GCNT2: variants seen among roughly 807,000 people sequenced by gnomAD.
The protein encoded by GCNT2 is N-acetyllactosaminide beta-1,6-N-acetylglucosaminyl-transferase.
Under a neutral mutation model 34.2 loss-of-function variants are expected in GCNT2, and 34 were observed. The observed-to-expected ratio is 1.00, with a 90% CI of 0.76 to 1.32. GCNT2 has a LOEUF of 1.32. Ranked by LOEUF, GCNT2 falls within the 40% of genes most tolerant of loss-of-function variation. The pLI is 0.00. For missense variants in GCNT2, 584 were observed against 489.4 expected, an observed-to-expected ratio of 1.19 and a Z score of -1.82; for synonymous variants, 212 against 188.0, an observed-to-expected ratio of 1.13 and a Z score of -1.04.
At chr6:10,558,760 A>G (rs1367748043) in intron 3 of GCNT2, among the ~76,000 whole-genome samples, 1 of 152,224 alleles carries the variant, frequency 6.6e-6, no homozygotes, top group Non-Finnish European at 1.5e-5. Flanking sequence ...GGAAAATACC[A>G]TGCCTGGTGT....
At chr6:10,581,843 A>G in intron 3 of GCNT2, 1 of 985,028 alleles carries the variant, frequency 1.0e-6, no homozygotes, top group Non-Finnish European at 1.2e-6. Flanking sequence ...ATTTTACAGA[A>G]AAGGGTGTGG....
At chr6:10,610,650 T>G (rs1765509580) in intron 3 of GCNT2, among the ~76,000 whole-genome samples, 1 of 152,186 alleles carries the variant, frequency 6.6e-6, no homozygotes, top group African/African-American at 2.4e-5. Context: ...TACATTAAGC[T>G]GAAAACCCCA....
chr6:10,571,861 C>T (rs1273718712), intron 3 of GCNT2, among the ~76,000 whole-genome samples: 1 of 151,122 alleles, frequency 6.6e-6, no homozygotes, highest in East Asian at 1.9e-4. Context: ...CAGAGATTTT[C>T]TGCACTATAG....
intron 3 of GCNT2, chr6:10,586,247 TC>T (rs762359466): frequency 6.2e-7 from 1 of 1,614,116 alleles, no homozygotes; most frequent in Non-Finnish European, 8.5e-7. Flanking sequence ...ACATCACAAG[TC>T]CCCTGTCGGA....
intron 3 of GCNT2, among the ~76,000 whole-genome samples, chr6:10,585,008 T>C (rs1190285674): frequency 6.6e-6 from 1 of 151,578 alleles, no homozygotes; most frequent in Non-Finnish European, 1.5e-5. Flanking sequence ...AGGGTGTAAT[T>C]CTTTGTTCCC....
At chr6:10,609,072 G>C (rs1325159497) in intron 3 of GCNT2, among the ~76,000 whole-genome samples, 1 of 152,198 alleles carries the variant, frequency 6.6e-6, no homozygotes, top group Non-Finnish European at 1.5e-5. Context: ...TACTGCAGGG[G>C]TCAAACCAAA....
intron 3 of GCNT2, chr6:10,619,753 T>C (rs150747747): frequency 3.3e-5 from 5 of 152,316 alleles, no homozygotes; most frequent in Admixed American, 1.3e-4. Flanking sequence ...ATAAATATAT[T>C]GTCTTACAAT....
In GCNT2 at chr6:10,573,166, T is replaced by G. The variant is rs1456511803; in HGVS notation, c.925+43330T>G. On this transcript the variant is annotated intron_variant, in intron 3 of 4. Transcript: ENST00000495262. ...TATAAAGGATGGGATGTTCTAGATA[T>G]GGATCTCTGGCAGCAGCTGGATTGT... The G allele has an allele frequency of 5.1e-6, 4 of 784,202 alleles. No homozygotes were observed. The East Asian group carries it at 7.1e-4, about 139-fold the overall frequency. 48.6% of individuals were successfully genotyped at this position (784,202 alleles called of 1,614,324 possible). A position where few individuals can be genotyped will look rare whatever the true frequency, so the allele number is the denominator to read the frequency against.
intron 3 of GCNT2, among the ~76,000 whole-genome samples, chr6:10,548,593 A>C (rs1344230980): frequency 3.9e-5 from 6 of 152,204 alleles, no homozygotes; most frequent in Non-Finnish European, 7.3e-5. Flanking sequence ...CTAGATATAT[A>C]AAATCTTGTT....
At chr6:10,559,792 G>A (rs1232826576) in intron 3 of GCNT2, among the ~76,000 whole-genome samples, 3 of 152,238 alleles carry the variant, frequency 2.0e-5, no homozygotes, top group African/African-American at 4.8e-5. Context: ...TCAGGATAAC[G>A]TGCCATGTCC....
intron 3 of GCNT2, among the ~76,000 whole-genome samples, chr6:10,547,674 C>G (rs1049618251): frequency 6.6e-6 from 1 of 152,208 alleles, no homozygotes; most frequent in African/African-American, 2.4e-5. Context: ...CAAACAATCA[C>G]TCTCCAGTTT....
intron 1 of GCNT2, among the ~76,000 whole-genome samples, chr6:10,525,278 C>T (rs1761130022): frequency 6.6e-6 from 1 of 152,138 alleles, no homozygotes; most frequent in African/African-American, 2.4e-5. Flanking sequence ...TACACCCTGC[C>T]AGTTATTGAG....
At chr6:10,565,358 G>A (rs1016109695) in intron 3 of GCNT2, among the ~76,000 whole-genome samples, 1 of 152,174 alleles carries the variant, frequency 6.6e-6, no homozygotes, top group Non-Finnish European at 1.5e-5. Context: ...CCTAATTAGG[G>A]AAAAGGAGTC....
intron 4 of GCNT2, among the ~76,000 whole-genome samples, chr6:10,624,085 G>A (rs1193534984): frequency 2.0e-5 from 3 of 152,108 alleles, no homozygotes; most frequent in African/African-American, 7.2e-5. Context: ...ATTGGGTCCT[G>A]TCATCTACCT....
intron 3 of GCNT2, chr6:10,557,410 C>T: frequency 8.2e-7 from 1 of 1,225,216 alleles, no homozygotes; most frequent in Non-Finnish European, 1.2e-6. Flanking sequence ...GAATAACCAG[C>T]CACTTTTTAT....
At position 10,540,637 on chromosome 6, in the gene GCNT2, G is replaced by C. The variant is rs1052635698; in HGVS notation, c.925+10801G>C. On this transcript the variant is annotated intron_variant, in intron 3 of 4. Coordinates refer to ENST00000495262, the MANE Select transcript of GCNT2 (RefSeq NM_145649.5). ...TTTTATCCAGCTTCATCACTGAGTG[G>C]GCTTCCAATATCACTTTGCATGAGG... Among the ~76,000 whole-genome samples, 7 of 152,088 alleles carry C rather than the reference G, an allele frequency of 4.6e-5. No individual in the cohort carries two copies. The East Asian group carries it at 1.2e-3, about 25-fold the overall frequency.
intron 3 of GCNT2, chr6:10,581,797 T>G: frequency 6.1e-6 from 6 of 985,004 alleles, no homozygotes; most frequent in Non-Finnish European, 7.2e-6. Flanking sequence ...ACTCCAACTT[T>G]CCCCTTCTGT....
At chr6:10,585,656 C>T (rs970306211) in intron 3 of GCNT2, 15 of 545,172 alleles carry the variant, frequency 2.8e-5, no homozygotes, top group South Asian at 2.0e-4. Flanking sequence ...CATTCCAGAA[C>T]GTAATTTGCA....
rs151273198 is a variant in GCNT2, at chr6:10,532,583, G to C, written c.925+2747G>C. Among the ~76,000 whole-genome samples the C allele has an allele frequency of 4.1e-3, 621 of 152,264 alleles. 6 individuals are homozygous for C. Among genetic ancestry groups the C allele is most frequent in the African/African-American group, 0.014 (597 of 41,550 alleles). On this transcript the variant is annotated intron_variant, in intron 3 of 4. Transcript: ENST00000495262. ...AGCCCGTGCTGGTCTTGACCTCCCA[G>C]GCTCAAGCCTTCCAAGAGGCTGGGA...
Sources: gnomAD v4.1 joint callset for allele counts (sites outside exome capture counted in the v4.1 genomes callset) on GRCh38, gnomAD v4.1.1 for gene constraint, MANE v1.5 for transcripts, NCBI Gene and HGNC (gene_info 2026-07-23, HGNC 2026-07-21) for gene names.